The following KCNN3 variants were observed in gnomAD, a reference collection of about 807,000 sequenced individuals.
The protein encoded by KCNN3 is small conductance calcium-activated potassium channel protein 3.
A neutral mutation model predicts 62.9 loss-of-function variants in KCNN3; 16 were observed. The ratio of observed to expected loss-of-function variants is 0.25; its 90% CI spans 0.17 to 0.39. The LOEUF (loss-of-function observed/expected upper bound fraction) is 0.39, where lower values mean the gene tolerates loss of function less well. KCNN3 is among the 10% of genes least tolerant of loss of function. The probability of loss-of-function intolerance (pLI) is 1.00; values close to 1 mark genes in which losing one functional copy is unlikely to be tolerated. For synonymous variants in KCNN3, 370 were observed against 389.2 expected, an observed-to-expected ratio of 0.95 and a Z score of 0.58; for missense variants, 599 against 949.4, an observed-to-expected ratio of 0.63 and a Z score of 4.85.
At chr1:154,773,941 G>C (rs1648680502) in intron 2 of KCNN3, among the ~76,000 whole-genome samples, 1 of 152,204 alleles carries the variant, frequency 6.6e-6, no homozygotes, top group Admixed American at 6.5e-5. Context: ...TGTGCTCTCA[G>C]ACAGTGCAGT....
intron 2 of KCNN3, among the ~76,000 whole-genome samples, chr1:154,781,671 G>A (rs1158636289): frequency 6.6e-6 from 1 of 152,142 alleles, no homozygotes; most frequent in Admixed American, 6.5e-5. Flanking sequence ...CAAGTGTTTG[G>A]GGTCTGGTTC....
Position 154,704,261 on chromosome 1 carries a change from C to G in KCNN3, c.*3715G>C, listed in dbSNP as rs925669151. 6.6e-6 allele frequency: 1 copy of G among 152,196 alleles called. No homozygotes were observed. The highest frequency in any genetic ancestry group is 1.5e-5 in the Non-Finnish European group (1 of 68,046). The allele number at this position is 152,196 out of a possible 1,614,324, so 9.4% of individuals were successfully genotyped here. On this transcript the variant is annotated 3_prime_UTR_variant, in exon 8 of 8. Coordinates refer to ENST00000271915, the MANE Select transcript of KCNN3 (RefSeq NM_002249.6). The stretch of plus-strand genomic sequence containing the variant: ...GTCAGTGGTGACTTGGGGCCTTCCC[C>G]CCTTGTTCTTTTGGATTGTATTAAG...
intron 2 of KCNN3, among the ~76,000 whole-genome samples, chr1:154,815,984 C>T (rs934339272): frequency 6.6e-6 from 1 of 152,190 alleles, no homozygotes; most frequent in African/African-American, 2.4e-5. Flanking sequence ...GGAGGACACT[C>T]CCATCCACAG....
intron 2 of KCNN3, among the ~76,000 whole-genome samples, chr1:154,814,771 C>A (rs1457694144): frequency 6.6e-6 from 1 of 152,228 alleles, no homozygotes; most frequent in Non-Finnish European, 1.5e-5. Context: ...ACTTCTCGGG[C>A]CCAGTTGGTG....
chr1:154,776,697 A>G (rs1648804989), intron 2 of KCNN3, among the ~76,000 whole-genome samples: 1 of 152,208 alleles, frequency 6.6e-6, no homozygotes, highest in African/African-American at 2.4e-5. Context: ...TTCATTCCTA[A>G]CAAAGCACAA....
In KCNN3 at chr1:154,706,300, T is replaced by C. The variant is rs758352846; in HGVS notation, c.*1676A>G. ...CAAGCCACTGCCTTCAGAATGGTGA[T>C]GATGTCTTCTTACAAAGGTAAACCC... On this transcript the variant is annotated 3_prime_UTR_variant, in exon 8 of 8. Transcript: ENST00000271915. 6 of 152,220 alleles carry C rather than the reference T, an allele frequency of 3.9e-5. No individual in the cohort carries two copies. The highest frequency in any genetic ancestry group is 7.3e-5 in the Non-Finnish European group (5 of 68,036). 9.4% of individuals were successfully genotyped at this position (152,220 alleles called of 1,614,324 possible).
intron 5 of KCNN3, among the ~76,000 whole-genome samples, chr1:154,717,454 G>A (rs1346608689): frequency 6.6e-6 from 1 of 152,154 alleles, no homozygotes; most frequent in African/African-American, 2.4e-5. Flanking sequence ...CAAGAGCCAC[G>A]TCCAGGAAGA....
intron 3 of KCNN3, among the ~76,000 whole-genome samples, chr1:154,755,782 GAGA>G (rs1195621930): frequency 7.5e-5 from 8 of 107,150 alleles, no homozygotes; most frequent in African/African-American, 2.8e-4. Context: ...GGAGGAGAGA[GAGA>G]GGGGAGGAGG....
At chr1:154,851,274 GC>G (rs1652290027) in intron 1 of KCNN3, among the ~76,000 whole-genome samples, 2 of 152,198 alleles carry the variant, frequency 1.3e-5, no homozygotes, top group Non-Finnish European at 2.9e-5. Context: ...ACCGTGCCCG[GC>G]CAAATTTTTT....
intron 2 of KCNN3, among the ~76,000 whole-genome samples, chr1:154,818,758 T>C (rs973909448): frequency 2.0e-5 from 3 of 152,232 alleles, no homozygotes; most frequent in Non-Finnish European, 4.4e-5. Context: ...ATGTTCCTTA[T>C]AAATTACCCA....
intron 2 of KCNN3, among the ~76,000 whole-genome samples, chr1:154,781,177 G>A (rs1197517595): frequency 1.3e-5 from 2 of 152,220 alleles, no homozygotes; most frequent in Admixed American, 1.3e-4. Context: ...GAGACCAGTG[G>A]TGATCATAAA....
At chr1:154,725,296 A>G (rs1700437600) in intron 5 of KCNN3, among the ~76,000 whole-genome samples, 1 of 152,220 alleles carries the variant, frequency 6.6e-6, no homozygotes, top group South Asian at 2.1e-4. Flanking sequence ...TAAACAAAAA[A>G]CATTGCCTCA....
chr1:154,787,325 G>GGGACCA (rs1223422464), intron 2 of KCNN3, among the ~76,000 whole-genome samples: 1 of 152,088 alleles, frequency 6.6e-6, no homozygotes, highest in African/African-American at 2.4e-5. Flanking sequence ...TTGGGAGGGA[G>GGGACCA]GGACCAGGGC....
At chr1:154,860,007 G>T (rs1303065108) in intron 1 of KCNN3, 2 of 221,094 alleles carry the variant, frequency 9.0e-6, no homozygotes, top group South Asian at 1.6e-4. Flanking sequence ...GTTACCCTGT[G>T]CCCAGGGCTT....
chr1:154,807,117 C>T (rs752512858), intron 2 of KCNN3, among the ~76,000 whole-genome samples: 13 of 152,092 alleles, frequency 8.5e-5, no homozygotes, highest in Non-Finnish European at 1.6e-4. Context: ...GCAGTCAACC[C>T]GCAGCAACAG....
intron 2 of KCNN3, among the ~76,000 whole-genome samples, chr1:154,783,257 C>T (rs1424976084): frequency 6.6e-6 from 1 of 151,888 alleles, no homozygotes; most frequent in African/African-American, 2.4e-5. Flanking sequence ...CTCAAGCCCA[C>T]CCTTTAAATG....
chr1:154,860,704 G>T (rs567461586), intron 1 of KCNN3, among the ~76,000 whole-genome samples: 1 of 152,334 alleles, frequency 6.6e-6, no homozygotes, highest in East Asian at 1.9e-4. Context: ...TCCAGGCAGG[G>T]ACACCTGCAG....
intron 2 of KCNN3, among the ~76,000 whole-genome samples, chr1:154,807,815 C>G (rs1413011451): frequency 6.6e-6 from 1 of 152,128 alleles, no homozygotes; most frequent in Non-Finnish European, 1.5e-5. Context: ...TCAGTGAGAT[C>G]AGAACCTCAG....
intron 1 of KCNN3, among the ~76,000 whole-genome samples, chr1:154,823,434 G>C (rs577299853): frequency 6.6e-6 from 1 of 152,350 alleles, no homozygotes; most frequent in African/African-American, 2.4e-5. Context: ...CAGTTTACAA[G>C]GTGGTTTCAC....
Sources: gnomAD v4.1 joint callset for allele counts (sites outside exome capture counted in the v4.1 genomes callset) on GRCh38, gnomAD v4.1.1 for gene constraint, MANE v1.5 for transcripts, NCBI Gene and HGNC (gene_info 2026-07-23, HGNC 2026-07-21) for gene names.